CC2D2A: variants seen among roughly 807,000 people sequenced by gnomAD.
CC2D2A encodes coiled-coil and C2 domain-containing protein 2A.
In CC2D2A, 155 loss-of-function variants were observed where a neutral mutation model predicts 212.9. That is an observed-to-expected ratio of 0.73 (90% CI 0.64 to 0.83). The LOEUF (loss-of-function observed/expected upper bound fraction) is 0.83. Ranked by LOEUF, CC2D2A falls within the 40% of genes least tolerant of loss-of-function variation. The pLI is 0.00. For synonymous variants in CC2D2A, 667 were observed against 686.5 expected, an observed-to-expected ratio of 0.97 and a Z score of 0.44; for missense variants, 1,856 against 1,956.2, an observed-to-expected ratio of 0.95 and a Z score of 0.97.
At position 15,527,395 on chromosome 4, in the gene CC2D2A, AT is replaced by A. The variant is rs1275815033; in HGVS notation, c.1150-51del. On this transcript the variant is annotated intron_variant, in intron 11 of 36. Coordinates refer to ENST00000424120, the MANE Select transcript of CC2D2A (RefSeq NM_001378615.1). Reference sequence around the variant, plus strand: ...TCCCATTGTGGATTAGAGAATCATTATCTAGTAAGTGCTTTAACTGTGTTCT... The same window carrying A: ...TCCCATTGTGGATTAGAGAATCATTACTAGTAAGTGCTTTAACTGTGTTCT... 13 of 1,326,826 alleles carry A rather than the reference AT, an allele frequency of 9.8e-6. No homozygotes were observed. In the East Asian group the frequency reaches 2.8e-4, roughly 29 times the overall value. 82.2% of individuals were successfully genotyped at this position (1,326,826 alleles called of 1,614,324 possible).
chr4:15,503,077 G>T (rs760219239), intron 6 of CC2D2A, among the ~76,000 whole-genome samples, 154 bp downstream of exon 6: 1 of 151,792 alleles, frequency 6.6e-6, no homozygotes, highest in African/African-American at 2.4e-5. Flanking sequence ...TGGGAGGATC[G>T]CTTGAGTCCA....
intron 13 of CC2D2A, among the ~76,000 whole-genome samples, 166 bp downstream of exon 13, chr4:15,528,892 A>G (rs1224467122): frequency 6.6e-6 from 1 of 152,238 alleles, no homozygotes; most frequent in African/African-American, 2.4e-5. Context: ...TTGAAGTCCA[A>G]TAATGTGAAT....
In CC2D2A at chr4:15,481,280, G is replaced by A. The variant is rs28662094; in HGVS notation, c.247+453G>A. ...TCCCAGCACTTTGGAAGGCCGAGGC[G>A]GGTAAATCACCTGAGGTTGGGAGTT... On this transcript the variant is annotated intron_variant, in intron 4 of 36. Transcript: ENST00000424120. 17,215 of 451,484 alleles carry A rather than the reference G, an allele frequency of 0.038. 2,000 individuals carry two copies. Among genetic ancestry groups the A allele is most frequent in the African/African-American group, 0.28 (13,857 of 49,916 alleles). The allele number at this position is 451,484 out of a possible 1,614,324, so 28.0% of individuals were successfully genotyped here. A position where few individuals can be genotyped will look rare whatever the true frequency, so the allele number is the denominator to read the frequency against.
intron 26 of CC2D2A, 63 bp downstream of exon 26, chr4:15,567,849 C>T: frequency 8.1e-7 from 1 of 1,228,082 alleles, no homozygotes; most frequent in Non-Finnish European, 1.1e-6. Flanking sequence ...AGAAAGCAGG[C>T]TCATGAGAAA....
chr4:15,559,345 T>C (rs1719449614), intron 22 of CC2D2A, 88 bp downstream of exon 22: 1 of 800,326 alleles, frequency 1.2e-6, no homozygotes, highest in Non-Finnish European at 2.0e-6. Flanking sequence ...TAAATATCTA[T>C]GTGAGCTTAT....
intron 36 of CC2D2A, among the ~76,000 whole-genome samples, chr4:15,600,737 A>G (rs1205261724): frequency 6.6e-6 from 1 of 151,900 alleles, no homozygotes; most frequent in Non-Finnish European, 1.5e-5. Flanking sequence ...CTCCATCTCT[A>G]CAAAAAATAC....
chr4:15,513,790 G>C (rs139366076), intron 8 of CC2D2A, among the ~76,000 whole-genome samples: 1 of 152,300 alleles, frequency 6.6e-6, no homozygotes, highest in Non-Finnish European at 1.5e-5. Flanking sequence ...TCACTTGTTT[G>C]ATGTTTTGGC....
intron 1 of CC2D2A, among the ~76,000 whole-genome samples, chr4:15,474,772 C>G (rs1714064029): frequency 6.6e-6 from 1 of 152,072 alleles, no homozygotes; most frequent in South Asian, 2.1e-4. Flanking sequence ...ATGCCTCTGA[C>G]CAAGTCAAGT....
chr4:15,535,950 T>C (rs1718108496), intron 14 of CC2D2A, among the ~76,000 whole-genome samples: 1 of 152,156 alleles, frequency 6.6e-6, no homozygotes, highest in Non-Finnish European at 1.5e-5. Context: ...TTCATCAACA[T>C]GTTAAGGGCT....
chr4:15,557,425 T>G lies in CC2D2A; in HGVS notation c.2747T>G (p.Leu916Arg). 6.2e-7 allele frequency: 1 copy of G among 1,612,954 alleles called. No individual in the cohort carries two copies. ...NRSKRFRLLH[L>R]RSQEVPEFRN... ...TCCAAACGATTTAGGCTTCTTCATCTTAGAAGCCAAGAGGTGCCAGAATTC... is the reference window on the plus strand; with the variant it reads ...TCCAAACGATTTAGGCTTCTTCATCGTAGAAGCCAAGAGGTGCCAGAATTC... The change falls in exon 21 of 37, where the codon CTT (leucine) becomes CGT (arginine). Residue 916 changes from leucine to arginine, a missense_variant. Leu to Arg is a moderately radical substitution (Grantham distance 102, BLOSUM62 -2). Transcript: ENST00000424120.
At chr4:15,547,695 C>T (rs1718782015) in intron 17 of CC2D2A, among the ~76,000 whole-genome samples, 1 of 152,110 alleles carries the variant, frequency 6.6e-6, no homozygotes, top group East Asian at 1.9e-4. Context: ...TACTTAAAGC[C>T]CAAAGTACCC....
At chr4:15,574,945 G>A (rs534786620) in intron 29 of CC2D2A, among the ~76,000 whole-genome samples, 23 of 152,204 alleles carry the variant, frequency 1.5e-4, no homozygotes, top group Admixed American at 5.2e-4. Context: ...GGAACGCTAC[G>A]CATGTGGGAG....
intron 29 of CC2D2A, among the ~76,000 whole-genome samples, chr4:15,578,454 A>T (rs902064026): frequency 2.0e-5 from 3 of 152,246 alleles, no homozygotes; most frequent in African/African-American, 7.2e-5. Flanking sequence ...CCATTGCCTC[A>T]TTCATTCACT....
chr4:15,510,119 A>T lies in CC2D2A; in HGVS notation c.439-20A>T. 6.3e-7 allele frequency: 1 copy of T among 1,577,790 alleles called. No individual in the cohort carries two copies. The highest frequency in any genetic ancestry group is 2.2e-5 in the East Asian group (1 of 44,632). On this transcript the variant is annotated intron_variant, in intron 6 of 36. Coordinates refer to ENST00000424120, the MANE Select transcript of CC2D2A (RefSeq NM_001378615.1). ...TCTTGGGTTAAATGGTTTATCTATCATTTTTTTCCACTCATATAGCCAGGG... is the reference window on the plus strand; with the variant it reads ...TCTTGGGTTAAATGGTTTATCTATCTTTTTTTTCCACTCATATAGCCAGGG...
At chr4:15,494,817 A>G (rs1026318276) in intron 4 of CC2D2A, among the ~76,000 whole-genome samples, 4 of 152,218 alleles carry the variant, frequency 2.6e-5, no homozygotes, top group Non-Finnish European at 4.4e-5. Flanking sequence ...AATCAACTAC[A>G]TGCTTTGATT....
Position 15,533,171 on chromosome 4 carries a change from CAT to C in CC2D2A, c.1467-21_1467-20del, listed in dbSNP as rs752418674. The C allele has an allele frequency of 6.4e-7, 1 of 1,566,094 alleles. No homozygotes were observed. The highest frequency in any genetic ancestry group is 1.4e-5 in the African/African-American group (1 of 72,000). On this transcript the variant is annotated intron_variant, in intron 13 of 36. Coordinates refer to ENST00000424120, the MANE Select transcript of CC2D2A (RefSeq NM_001378615.1). Reference sequence around the variant, plus strand: ...CACACCTGACTTTTTAATATATACTCATGTGTTATTATATCTTGCAGACAAAC... The same window carrying C: ...CACACCTGACTTTTTAATATATACTCGTGTTATTATATCTTGCAGACAAAC...
rs766713015 is a variant in CC2D2A, at chr4:15,601,415, G to A, written c.4853G>A (p.Arg1618His). The change falls in exon 37 of 37, where the codon CGC (arginine) becomes CAC (histidine). Residue 1618 changes from arginine to histidine, a missense_variant. Physicochemically the swap from Arg to His is conservative, Grantham distance 29 (BLOSUM62 0). This residue lies in a region of CC2D2A where 285 missense variants were observed against 278.4 expected (regional missense o/e 1.02). Transcript: ENST00000424120. ...TGGATCTATGTTGCCTCTCTTATAC[G>A]CAACAGGTAATTTTTTTCACTGTAC... ...SVWIYVASLIRNR is the reference protein window; with the variant it reads ...SVWIYVASLIHNR 5.2e-5 allele frequency: 76 copies of A among 1,475,220 alleles called. No individual in the cohort carries two copies. The highest frequency in any genetic ancestry group is 6.8e-5 in the Non-Finnish European group (75 of 1,108,432). 91.4% of individuals were successfully genotyped at this position (1,475,220 alleles called of 1,614,324 possible).
At chr4:15,470,697 A>C (rs62289309) in intron 1 of CC2D2A, among the ~76,000 whole-genome samples, 2,379 of 33,326 alleles carry the variant, frequency 0.071, 12 homozygotes, top group African/African-American at 0.15. Context: ...CTCTATATAT[A>C]TATATATATA....
intron 11 of CC2D2A, 34 bp downstream of exon 11, chr4:15,516,790 G>A: frequency 6.3e-7 from 1 of 1,596,108 alleles, no homozygotes; most frequent in South Asian, 1.1e-5. Context: ...TTTATTAAAT[G>A]AAATTGAAAG....
Sources: allele counts gnomAD v4.1 joint callset (sites outside exome capture counted in the v4.1 genomes callset), GRCh38; gene constraint gnomAD v4.1.1; regional missense constraint gnomAD v4.1.1; transcripts MANE v1.5; gene names NCBI Gene and HGNC (gene_info 2026-07-23, HGNC 2026-07-21).